The following ZNF276 variants were observed in gnomAD, a reference collection of about 807,000 sequenced individuals.
ZNF276 encodes centromere protein Z.
Under a neutral mutation model 63.9 loss-of-function variants are expected in ZNF276, and 59 were observed. The ratio of observed to expected loss-of-function variants is 0.92; its 90% confidence interval spans 0.75 to 1.15. The LOEUF (loss-of-function observed/expected upper bound fraction) is 1.15. ZNF276 is among the 50% of genes most tolerant of loss of function. ZNF276 has a pLI of 0.00. For missense variants in ZNF276, 1,084 were observed against 843.8 expected, an observed-to-expected ratio of 1.28 and a Z score of -3.53; for synonymous variants, 496 against 348.4, an observed-to-expected ratio of 1.42 and a Z score of -4.72.
In ZNF276 at chr16:89,723,594, T is replaced by C; in HGVS notation, c.891T>C (p.Ala297=). ...GAGGGACAGGGACCCCAGTTGGGGC[T>C]GAGACCAAGACCCTGCCCAGCACGG... ...QGRGTGTPVG[A]ETKTLPSTDV... The change falls in exon 4 of 11, where the codon GCT becomes GCC. Residue 297 remains alanine, a synonymous_variant. Coordinates refer to ENST00000443381, the MANE Select transcript of ZNF276 (RefSeq NM_001113525.2). 6.2e-7 allele frequency: 1 copy of C among 1,612,802 alleles called. No homozygotes were observed. The highest frequency in any genetic ancestry group is 8.5e-7 in the Non-Finnish European group (1 of 1,180,014).
rs2061289911 is a variant in ZNF276, at chr16:89,721,844, A to T, written c.204A>T (p.Ala68=). 3.3e-6 allele frequency: 4 copies of T among 1,210,284 alleles called. No homozygotes were observed. Among genetic ancestry groups the T allele is most frequent in the Middle Eastern group, 3.3e-4 (1 of 3,070 alleles). 75.0% of individuals were successfully genotyped at this position (1,210,284 alleles called of 1,614,324 possible). A position where few individuals can be genotyped will look rare whatever the true frequency, so the allele number is the denominator to read the frequency against. Reference sequence around the variant, plus strand: ...CGGGCGAGGACGGCGCGGACGAGGCAGGTGGGTCCGCGGCCCGGGCGTGGC... The same window carrying T: ...CGGGCGAGGACGGCGCGGACGAGGCTGGTGGGTCCGCGGCCCGGGCGTGGC... The part of the protein sequence containing the change: ...GDAGEDGADE[A]GAGRALAMGH... Residue 68 remains alanine (A), a splice_region_variant and synonymous_variant, in exon 1 of 11, where the codon GCA becomes GCT. Coordinates refer to ENST00000443381, the MANE Select transcript of ZNF276 (RefSeq NM_001113525.2).
In ZNF276 at chr16:89,723,486, G is replaced by C. The variant is rs765892580; in HGVS notation, c.783G>C (p.Trp261Cys). ...TGGACAGTGCGCTGGCAGTCAAGTG[G>C]CCATGGGACAAAGAGACGGCGCCAC... ...FLLDSALAVK[W>C]PWDKETAPRL... is the part of the protein sequence containing the mutation. Residue 261 changes from tryptophan (W) to cysteine (C), a missense_variant, in exon 4 of 11, where the codon TGG (tryptophan) becomes TGC (cysteine). Transcript: ENST00000443381. 3.1e-6 allele frequency: 5 copies of C among 1,612,882 alleles called. No individual in the cohort carries two copies. Among genetic ancestry groups the C allele is most frequent in the African/African-American group, 2.7e-5 (2 of 74,954 alleles).
chr16:89,739,148 C>T lies in ZNF276; in HGVS notation c.*902C>T, dbSNP rs2062054135. The T allele has an allele frequency of 1.2e-6, 2 of 1,614,148 alleles. No individual in the cohort carries two copies. The highest frequency in any genetic ancestry group is 1.7e-6 in the Non-Finnish European group (2 of 1,180,028). On this transcript the variant is annotated 3_prime_UTR_variant, in exon 11 of 11. Coordinates refer to ENST00000443381, the MANE Select transcript of ZNF276 (RefSeq NM_001113525.2). ...TTGCACCTGCCTGACCCTTGAGCTC[C>T]AGGCTCCTGCCAGCTGGAGGTGAAA...
At chr16:89,720,777 C>G (rs1177232648), upstream of ZNF276, 12 of 1,455,146 alleles carry the variant, frequency 8.2e-6, no homozygotes, top group Non-Finnish European at 1.0e-5. Context: ...GGCCGGTTGC[C>G]GGTGTCCAGC....
rs1234979343 is a variant in ZNF276, at chr16:89,738,322, C to T, written c.*76C>T. Reference sequence around the variant, plus strand: ...GTGTCAGCCTCACCCTTCGTGTGCACCCGCATGGGAGGGTCGGAGGGTGCT... The same window carrying T: ...GTGTCAGCCTCACCCTTCGTGTGCATCCGCATGGGAGGGTCGGAGGGTGCT... On this transcript the variant is annotated 3_prime_UTR_variant, in exon 11 of 11. Coordinates refer to ENST00000443381, the MANE Select transcript of ZNF276 (RefSeq NM_001113525.2). 1 of 1,515,624 alleles carries T rather than the reference C, an allele frequency of 6.6e-7. No homozygotes were observed. The highest frequency in any genetic ancestry group is 8.8e-7 in the Non-Finnish European group (1 of 1,132,658). 93.9% of individuals were successfully genotyped at this position (1,515,624 alleles called of 1,614,324 possible).
intron 5 of ZNF276, among the ~76,000 whole-genome samples, chr16:89,728,682 G>A (rs1010955494): frequency 6.6e-6 from 1 of 152,126 alleles, no homozygotes; most frequent in East Asian, 1.9e-4. Flanking sequence ...GATTACAGGT[G>A]TTAGCCACCG....
chr16:89,721,770 G>C lies in ZNF276; in HGVS notation c.130G>C (p.Gly44Arg), dbSNP rs886729967. Residue 44 changes from glycine to arginine, a missense_variant, in exon 1 of 11, where the codon GGG becomes CGG. Transcript: ENST00000443381. ...PSLSGGPRVD[G>R]ATARRAWGPV... The stretch of plus-strand genomic sequence containing the variant: ...CCTTAGCGGTGGGCCGAGGGTGGAC[G>C]GGGCGACGGCGCGGCGCGCCTGGGG... 1.6e-6 allele frequency: 2 copies of C among 1,266,970 alleles called. No homozygotes were observed. The highest frequency in any genetic ancestry group is 1.6e-5 in the African/African-American group (1 of 64,232). The allele number at this position is 1,266,970 out of a possible 1,614,324, so 78.5% of individuals were successfully genotyped here.
intron 9 of ZNF276, among the ~76,000 whole-genome samples, 168 bp downstream of exon 9, chr16:89,734,206 G>T (rs944783062): frequency 6.6e-6 from 1 of 152,246 alleles, no homozygotes; most frequent in South Asian, 2.1e-4. Flanking sequence ...AGAGTAGGGC[G>T]TCAGTGTGAA....
At chr16:89,725,532 C>G (rs1001078082) in intron 4 of ZNF276, among the ~76,000 whole-genome samples, 3 of 146,900 alleles carry the variant, frequency 2.0e-5, no homozygotes, top group African/African-American at 7.5e-5. Flanking sequence ...TGGTTCACGC[C>G]TGTAATCCCA....
chr16:89,739,007 A>C lies in ZNF276; in HGVS notation c.*761A>C. The stretch of plus-strand genomic sequence containing the variant: ...GAAAACAGGCAAACTCACAGGTTAG[A>C]AGACATACAGAAACAGGGCTGGTGT... On this transcript the variant is annotated 3_prime_UTR_variant, in exon 11 of 11. Transcript: ENST00000443381. 6.2e-7 allele frequency: 1 copy of C among 1,614,106 alleles called. No homozygotes were observed. Among genetic ancestry groups the C allele is most frequent in the South Asian group, 1.1e-5 (1 of 91,074 alleles).
chr16:89,721,445 A>C, upstream of ZNF276: 1 of 465,814 alleles, frequency 2.1e-6, no homozygotes. Flanking sequence ...GGGCGCTGGC[A>C]CCGCGGGTGG....
intron 9 of ZNF276, 133 bp from the exon 10 acceptor site, chr16:89,737,673 T>A: frequency 6.6e-7 from 1 of 1,519,520 alleles, no homozygotes; most frequent in South Asian, 1.3e-5. Flanking sequence ...ATAGGCCCCT[T>A]GCTTGGGCCC....
chr16:89,720,529 C>A (rs767315432), upstream of ZNF276: 4 of 1,160,276 alleles, frequency 3.4e-6, no homozygotes, highest in East Asian at 1.6e-4. Context: ...TGTGATGCAC[C>A]GGCTCAGCGA....
chr16:89,740,094 G>C lies in ZNF276; in HGVS notation c.*1848G>C. The C allele has an allele frequency of 6.2e-7, 1 of 1,614,054 alleles. No individual in the cohort carries two copies. Among genetic ancestry groups the C allele is most frequent in the South Asian group, 1.1e-5 (1 of 91,070 alleles). The stretch of plus-strand genomic sequence containing the variant: ...CGTGGAAAGCCTTTGGCAGGTCTGT[G>C]GTGCTCTGTAAACCGCAGGAGACCA... On this transcript the variant is annotated 3_prime_UTR_variant, in exon 11 of 11. Coordinates refer to ENST00000443381, the MANE Select transcript of ZNF276 (RefSeq NM_001113525.2).
At position 89,722,849 on chromosome 16, in the gene ZNF276, G is replaced by T; in HGVS notation, c.509+15G>T. 3.8e-6 allele frequency: 6 copies of T among 1,596,022 alleles called. No individual in the cohort carries two copies. The highest frequency in any genetic ancestry group is 5.1e-6 in the Non-Finnish European group (6 of 1,176,770). ...CCTTGTGCAAAGTACGCCCTAGTCT[G>T]TTCAGAGCACGTTCAGGCTGTCAGT... On this transcript the variant is annotated intron_variant, in intron 2 of 10. Transcript: ENST00000443381.
intron 9 of ZNF276, 47 bp downstream of exon 9, chr16:89,734,085 C>A: frequency 6.4e-7 from 1 of 1,567,558 alleles, no homozygotes; most frequent in Non-Finnish European, 8.8e-7. Flanking sequence ...GCCAGGGGCA[C>A]GTGACCTGCT....
chr16:89,738,535 C>T lies in ZNF276; in HGVS notation c.*289C>T. 4 of 1,605,962 alleles carry T rather than the reference C, an allele frequency of 2.5e-6. No individual in the cohort carries two copies. Among genetic ancestry groups the T allele is most frequent in the Non-Finnish European group, 2.6e-6 (3 of 1,174,884 alleles). The stretch of plus-strand genomic sequence containing the variant: ...AATCCACTTTTTAGTGCAACAAGAG[C>T]TCCATGTTATGCTTGTAATAAATTA... On this transcript the variant is annotated 3_prime_UTR_variant, in exon 11 of 11. Transcript: ENST00000443381.
At chr16:89,734,304 C>T (rs1054772617) in intron 9 of ZNF276, among the ~76,000 whole-genome samples, 5 of 147,422 alleles carry the variant, frequency 3.4e-5, no homozygotes, top group Non-Finnish European at 6.0e-5. Flanking sequence ...ATCTTGGTGT[C>T]CTTTTGCAAA....
chr16:89,731,695 A>T (rs1271449963), intron 6 of ZNF276: 1 of 152,236 alleles, frequency 6.6e-6, no homozygotes, highest in African/African-American at 2.4e-5. Context: ...GGGTGCTGGG[A>T]CTGCCAACAT....
Sources: gnomAD v4.1 joint callset for allele counts (sites outside exome capture counted in the v4.1 genomes callset) on GRCh38, gnomAD v4.1.1 for gene constraint, MANE v1.5 for transcripts, NCBI Gene and HGNC (gene_info 2026-07-23, HGNC 2026-07-21) for gene names.